The following ABCD3 variants were observed in gnomAD, a reference collection of about 807,000 sequenced individuals.
The protein encoded by ABCD3 is ATP binding cassette subfamily D member 3, also known as ATP-binding cassette sub-family D member 3.
In ABCD3, 41 loss-of-function variants were observed where a neutral mutation model predicts 105.5. The observed-to-expected ratio is 0.39, with a 90% confidence interval of 0.30 to 0.50. ABCD3 has a LOEUF of 0.50. Ranked by LOEUF, ABCD3 falls within the 20% of genes least tolerant of loss-of-function variation. ABCD3 has a pLI of 0.84. For synonymous variants in ABCD3, 258 were observed against 269.0 expected (o/e 0.96, Z 0.40); for missense variants, 622 against 806.3 (o/e 0.77, Z 2.77).
intron 21 of ABCD3, among the ~76,000 whole-genome samples, chr1:94,512,290 T>C (rs1650713985): frequency 6.6e-6 from 1 of 151,978 alleles, no homozygotes; most frequent in Admixed American, 6.6e-5. Flanking sequence ...ATAGAAATTT[T>C]AGGTAGTCAT....
At chr1:94,481,517 C>T (rs1242425224) in intron 9 of ABCD3, 1 of 152,258 alleles carries the variant, frequency 6.6e-6, no homozygotes, top group African/African-American at 2.4e-5. Flanking sequence ...AGAACACTCA[C>T]TGCTTCACGT....
At chr1:94,507,404 G>T (rs1485202263) in intron 21 of ABCD3, among the ~76,000 whole-genome samples, 1 of 152,096 alleles carries the variant, frequency 6.6e-6, no homozygotes, top group Non-Finnish European at 1.5e-5. Flanking sequence ...TGGACATTTG[G>T]GTTGGTTCCA....
At chr1:94,442,678 T>C (rs1242863187) in intron 1 of ABCD3, among the ~76,000 whole-genome samples, 3 of 152,200 alleles carry the variant, frequency 2.0e-5, no homozygotes, top group Non-Finnish European at 4.4e-5. Context: ...TATGTCTATG[T>C]GTACACATCG....
At position 94,475,598 on chromosome 1, in the gene ABCD3, C is replaced by T. The variant is rs1021727789; in HGVS notation, c.504-16C>T. 1.9e-6 allele frequency: 3 copies of T among 1,607,422 alleles called. No homozygotes were observed. Among genetic ancestry groups the T allele is most frequent in the East Asian group, 4.5e-5 (2 of 44,682 alleles). On this transcript the variant is annotated splice_polypyrimidine_tract_variant and intron_variant, in intron 6 of 22. Coordinates refer to ENST00000370214, the MANE Select transcript of ABCD3 (RefSeq NM_002858.4). Reference sequence around the variant, plus strand: ...AGTCACTTGTTTTAAAATCACTTTTCTTCTTGCTATTTTAGAGCTTTCACA... The same window carrying T: ...AGTCACTTGTTTTAAAATCACTTTTTTTCTTGCTATTTTAGAGCTTTCACA...
At chr1:94,476,253 CCTGA>C (rs1557678990) in intron 7 of ABCD3, among the ~76,000 whole-genome samples, 1 of 152,182 alleles carries the variant, frequency 6.6e-6, no homozygotes, top group East Asian at 1.9e-4. Flanking sequence ...TGCCAAAGCT[CCTGA>C]CTGTGATAGG....
chr1:94,467,924 T>G lies in ABCD3; in HGVS notation c.252T>G (p.Gly84=). 1 of 1,611,004 alleles carries G rather than the reference T, an allele frequency of 6.2e-7. No individual in the cohort carries two copies. The highest frequency in any genetic ancestry group is 8.5e-7 in the Non-Finnish European group (1 of 1,177,460). ...MVPRTFCKET[G]YLVLIAVMLV... ...CTATACCTGGTTTATTTTAGACAGG[T>G]TACTTGGTACTTATTGCTGTTATGC... Residue 84 remains glycine, a synonymous_variant, in exon 4 of 23, where the codon GGT becomes GGG. Transcript: ENST00000370214.
chr1:94,439,784 T>C (rs970036521), intron 1 of ABCD3, among the ~76,000 whole-genome samples: 9 of 152,258 alleles, frequency 5.9e-5, no homozygotes, highest in Admixed American at 1.3e-4. Context: ...CTTTCTAAAT[T>C]TCTAATATTT....
the ABCD3 span, among the ~76,000 whole-genome samples, chr1:94,402,167 A>G: frequency 6.6e-6 from 1 of 152,228 alleles, no homozygotes; most frequent in Non-Finnish European, 1.5e-5. Flanking sequence ...TTGTCTGGAT[A>G]TACCACAACC....
At chr1:94,480,694 ACT>A in intron 9 of ABCD3, 88 bp downstream of exon 9, 1 of 1,351,402 alleles carries the variant, frequency 7.4e-7, no homozygotes, top group Non-Finnish European at 1.1e-6. Flanking sequence ...GTCTAGTGAC[ACT>A]GTTACTGTAA....
At chr1:94,449,768 ACAGCCACACTTATGTT>A (rs1660503072) in intron 1 of ABCD3, among the ~76,000 whole-genome samples, 1 of 152,214 alleles carries the variant, frequency 6.6e-6, no homozygotes, top group African/African-American at 2.4e-5. Flanking sequence ...TCTGCGTGCC[ACAGCCACACTTATGTT>A]CAGCTGGTCT....
chr1:94,402,459 G>A, the ABCD3 span, among the ~76,000 whole-genome samples: 1 of 152,074 alleles, frequency 6.6e-6, no homozygotes, highest in Non-Finnish European at 1.5e-5. Flanking sequence ...TTTCCTCAGG[G>A]CCATTTGAAG....
In ABCD3 at chr1:94,478,297, G is replaced by A. The variant is rs145275743; in HGVS notation, c.666G>A (p.Thr222=). 11 of 1,602,196 alleles carry A rather than the reference G, an allele frequency of 6.9e-6. No individual in the cohort carries two copies. Among genetic ancestry groups the A allele is most frequent in the African/African-American group, 6.7e-5 (5 of 74,512 alleles). The change falls in exon 8 of 23, where the codon ACG becomes ACA. Residue 222 remains threonine (T), a synonymous_variant. Transcript: ENST00000370214. The part of the protein sequence containing the change: ...LDIVLYIFKL[T]SAIGAQGPAS... Reference sequence around the variant, plus strand: ...TAGTTTTGTATATCTTTAAGTTAACGAGTGCAATTGGAGCTCAGGTGAGTC... The same window carrying A: ...TAGTTTTGTATATCTTTAAGTTAACAAGTGCAATTGGAGCTCAGGTGAGTC...
At chr1:94,478,414 T>C in intron 8 of ABCD3, 99 bp downstream of exon 8, 1 of 1,158,880 alleles carries the variant, frequency 8.6e-7, no homozygotes, top group Non-Finnish European at 1.3e-6. Flanking sequence ...TTTGTAGATC[T>C]CAAAGAATGT....
At chr1:94,465,221 G>A (rs1332652005) in intron 3 of ABCD3, among the ~76,000 whole-genome samples, 1 of 152,086 alleles carries the variant, frequency 6.6e-6, no homozygotes, top group Non-Finnish European at 1.5e-5. Flanking sequence ...CTCCCACCAG[G>A]CCCCACCTCC....
At chr1:94,435,443 G>C (rs1659865283) in intron 1 of ABCD3, among the ~76,000 whole-genome samples, 1 of 152,048 alleles carries the variant, frequency 6.6e-6, no homozygotes, top group South Asian at 2.1e-4. Context: ...GAGGTGGGAG[G>C]ATCACTTCAG....
At chr1:94,433,797 C>A (rs901033586) in intron 1 of ABCD3, among the ~76,000 whole-genome samples, 1 of 150,930 alleles carries the variant, frequency 6.6e-6, no homozygotes, top group African/African-American at 2.4e-5. Context: ...CAGGTGTGGG[C>A]CATCATGCCC....
intron 1 of ABCD3, among the ~76,000 whole-genome samples, chr1:94,429,970 C>G (rs1485392520): frequency 6.6e-6 from 1 of 152,214 alleles, no homozygotes; most frequent in Non-Finnish European, 1.5e-5. Flanking sequence ...TGAAAGCAGC[C>G]AGGAGGGAGG....
In ABCD3 at chr1:94,518,473, G is replaced by A. The variant is rs1198423440; in HGVS notation, c.*1344G>A. The stretch of plus-strand genomic sequence containing the variant: ...TTTACCACTTCTGTTTAGCGAACTT[G>A]TATACTTATTTTCTGTTCAGATTAA... On this transcript the variant is annotated 3_prime_UTR_variant, in exon 23 of 23. Coordinates refer to ENST00000370214, the MANE Select transcript of ABCD3 (RefSeq NM_002858.4). 1.4e-5 allele frequency: 2 copies of A among 139,220 alleles called. No individual in the cohort carries two copies. Among genetic ancestry groups the A allele is most frequent in the African/African-American group, 5.4e-5 (2 of 37,244 alleles). 8.6% of individuals were successfully genotyped at this position (139,220 alleles called of 1,614,324 possible).
chr1:94,516,107 T>C (rs968390598), intron 22 of ABCD3, among the ~76,000 whole-genome samples: 2 of 151,972 alleles, frequency 1.3e-5, no homozygotes, highest in Non-Finnish European at 2.9e-5. Context: ...CTTTAGGATG[T>C]AGATGATAGT....
Sources: allele counts gnomAD v4.1 joint callset (sites outside exome capture counted in the v4.1 genomes callset), GRCh38; gene constraint gnomAD v4.1.1; transcripts MANE v1.5; gene names NCBI Gene and HGNC (gene_info 2026-07-23, HGNC 2026-07-21).